Variants in AOX1 observed in about 807,000 individuals in gnomAD.
AOX1 encodes aldehyde oxidase.
AOX1 carries 153 observed loss-of-function variants against 169.5 expected under a neutral mutation model. The observed-to-expected ratio is 0.90, with a 90% CI of 0.79 to 1.03. The LOEUF (loss-of-function observed/expected upper bound fraction) is 1.03, where lower values mean the gene tolerates loss of function less well. Ranked by LOEUF, AOX1 falls within the 50% of genes least tolerant of loss-of-function variation. The probability of loss-of-function intolerance (pLI) is 0.00; values close to 1 mark genes in which losing one functional copy is unlikely to be tolerated. For synonymous variants in AOX1, 562 were observed against 581.9 expected, an observed-to-expected ratio of 0.97 and a Z score of 0.49; for missense variants, 1,656 against 1,663.9, an observed-to-expected ratio of 1.00 and a Z score of 0.08.
At chr2:200,631,922 A>G (rs2035135956) in intron 20 of AOX1, among the ~76,000 whole-genome samples, 1 of 152,154 alleles carries the variant, frequency 6.6e-6, no homozygotes, top group African/African-American at 2.4e-5. Context: ...TGAAATTTTA[A>G]TGTTTATATA....
chr2:200,605,667 T>C, intron 10 of AOX1, 39 bp downstream of exon 10: 2 of 1,027,338 alleles, frequency 1.9e-6, no homozygotes, highest in South Asian at 1.8e-5. Context: ...TTAAGATGCA[T>C]TAATCAATTT....
chr2:200,662,202 C>T (rs548866925), intron 30 of AOX1, among the ~76,000 whole-genome samples: 21 of 152,114 alleles, frequency 1.4e-4, no homozygotes, highest in South Asian at 2.1e-4. Context: ...GCCATTGGTG[C>T]GGGACCTGGG....
intron 3 of AOX1, 119 bp from the exon 4 acceptor site, chr2:200,597,277 TA>T: frequency 1.7e-6 from 1 of 595,150 alleles, no homozygotes; most frequent in Non-Finnish European, 2.8e-6. Context: ...AATGTATGTG[TA>T]AAACCTGGGT....
At chr2:200,586,381 C>T (rs2034031273) in intron 1 of AOX1, among the ~76,000 whole-genome samples, 1 of 152,246 alleles carries the variant, frequency 6.6e-6, no homozygotes, top group Non-Finnish European at 1.5e-5. Context: ...CCCCCACCTT[C>T]CTTATGTTCC....
chr2:200,596,988 G>C (rs909723742), intron 3 of AOX1, among the ~76,000 whole-genome samples: 2 of 152,170 alleles, frequency 1.3e-5, no homozygotes, highest in African/African-American at 4.8e-5. Flanking sequence ...CAGCGTGACA[G>C]TGAGGTGTTG....
In AOX1 at chr2:200,605,539, C is replaced by A; in HGVS notation, c.818C>A (p.Pro273His). The change falls in exon 10 of 35, where the codon CCT (proline) becomes CAT (histidine). Residue 273 changes from proline (P) to histidine (H), a missense_variant. By Grantham distance (77) the Pro-to-His change is moderately conservative (BLOSUM62 -2). Coordinates refer to ENST00000374700, the MANE Select transcript of AOX1 (RefSeq NM_001159.4). ...PVIMGNTSVG[P>H]EVKFKGVFHP... ...TTTTTTTTTTTTGATCCTTTAGGGCCTGAAGTGAAATTTAAAGGCGTCTTT... is the reference window on the plus strand; with the variant it reads ...TTTTTTTTTTTTGATCCTTTAGGGCATGAAGTGAAATTTAAAGGCGTCTTT... 2 of 1,526,840 alleles carry A rather than the reference C, an allele frequency of 1.3e-6. No individual in the cohort carries two copies. The allele number at this position is 1,526,840 out of a possible 1,614,324, so 94.6% of individuals were successfully genotyped here.
At chr2:200,655,160 C>T (rs1231719778) in intron 26 of AOX1, among the ~76,000 whole-genome samples, 2 of 152,188 alleles carry the variant, frequency 1.3e-5, no homozygotes, top group African/African-American at 4.8e-5. Context: ...TGCAAATTTA[C>T]TTACCAAACA....
rs767508899 is a variant in AOX1 at position 200,662,976 on chromosome 2, A to C, written c.3543+7A>C. 1.1e-4 allele frequency: 180 copies of C among 1,611,838 alleles called. No homozygotes were observed. The highest frequency in any genetic ancestry group is 1.6e-4 in the Middle Eastern group (1 of 6,062). On this transcript the variant is annotated splice_region_variant and intron_variant, in intron 31 of 34. Transcript: ENST00000374700. ...CCTGACGGGGGATCATAAGGTCAGT[A>C]CCGGTTGGAAAGGTCTTCAAGTTGC...
chr2:200,673,861 G>A (rs910082691), downstream of AOX1, among the ~76,000 whole-genome samples: 11 of 152,162 alleles, frequency 7.2e-5, no homozygotes, highest in African/African-American at 2.7e-4. Context: ...TCACTCTGGA[G>A]CCTTTGCCTG....
At chr2:200,595,186 C>T in intron 2 of AOX1, 86 bp from the exon 3 acceptor site, 1 of 878,334 alleles carries the variant, frequency 1.1e-6, no homozygotes, top group Non-Finnish European at 1.8e-6. Context: ...ATTTAAGAGT[C>T]TGTGATATTA....
intron 16 of AOX1, among the ~76,000 whole-genome samples, chr2:200,619,788 G>A (rs1248504025): frequency 6.6e-6 from 1 of 152,102 alleles, no homozygotes; most frequent in Admixed American, 6.5e-5. Context: ...TATCAGGATT[G>A]TCTAAGTTAA....
chr2:200,604,271 G>A (rs2034471193), intron 8 of AOX1, among the ~76,000 whole-genome samples, 174 bp downstream of exon 8: 2 of 152,168 alleles, frequency 1.3e-5, no homozygotes, highest in South Asian at 4.2e-4. Flanking sequence ...GAATGGGGGT[G>A]GGGTCCCCAT....
chr2:200,592,018 C>G (rs966880871), intron 1 of AOX1, among the ~76,000 whole-genome samples: 1 of 152,006 alleles, frequency 6.6e-6, no homozygotes, highest in Admixed American at 6.5e-5. Context: ...CTTAGGTGAC[C>G]TAGCAGATAC....
chr2:200,647,505 C>A (rs1344488164), intron 25 of AOX1, among the ~76,000 whole-genome samples: 1 of 152,184 alleles, frequency 6.6e-6, no homozygotes, highest in Non-Finnish European at 1.5e-5. Context: ...GCTTCTGTCT[C>A]ACAGCTCTTA....
chr2:200,662,864 G>A lies in AOX1; in HGVS notation c.3438G>A (p.Glu1146=). ...LSAVGYFRGY[E]SDMNWEKGEG... ...TCACTGTTTCTTCCAGAGGTTATGA[G>A]TCAGACATGAACTGGGAGAAAGGCG... The change falls in exon 31 of 35, where the codon GAG becomes GAA. Residue 1146 remains glutamate, a synonymous_variant. Coordinates refer to ENST00000374700, the MANE Select transcript of AOX1 (RefSeq NM_001159.4). 1.9e-6 allele frequency: 3 copies of A among 1,613,914 alleles called. No homozygotes were observed. Among genetic ancestry groups the A allele is most frequent in the Non-Finnish European group, 2.5e-6 (3 of 1,179,824 alleles).
intron 6 of AOX1, 56 bp from the exon 7 acceptor site, chr2:200,603,211 T>C (rs2034450197): frequency 7.2e-7 from 1 of 1,390,048 alleles, no homozygotes; most frequent in Non-Finnish European, 1.0e-6. Context: ...CCTGCTTTAT[T>C]TACTAGTTAG....
At chr2:200,639,850 C>T (rs1344114462) in intron 23 of AOX1, among the ~76,000 whole-genome samples, 1 of 151,858 alleles carries the variant, frequency 6.6e-6, no homozygotes, top group African/African-American at 2.4e-5. Context: ...GCCTGGGCAA[C>T]ACGGTGAAAC....
chr2:200,619,949 T>C (rs2034847448), intron 16 of AOX1, among the ~76,000 whole-genome samples: 1 of 152,218 alleles, frequency 6.6e-6, no homozygotes, highest in Non-Finnish European at 1.5e-5. Flanking sequence ...CGTGCTTATA[T>C]AGAAACAGTA....
intron 14 of AOX1, 36 bp downstream of exon 14, chr2:200,612,829 G>C: frequency 1.3e-6 from 2 of 1,563,278 alleles, no homozygotes; most frequent in East Asian, 4.5e-5. Context: ...TCTAATACTT[G>C]TCCTTAGACT....
Sources: gnomAD v4.1 joint callset for allele counts (sites outside exome capture counted in the v4.1 genomes callset) on GRCh38, gnomAD v4.1.1 for gene constraint, MANE v1.5 for transcripts, NCBI Gene and HGNC (gene_info 2026-07-23, HGNC 2026-07-21) for gene names.